Variants in OR1S2 observed in about 807,000 individuals in gnomAD.
OR1S2 encodes the protein olfactory receptor 1S2.
Under a neutral mutation model 1.7 loss-of-function variants are expected in OR1S2, and 1 was observed. The observed-to-expected ratio is 0.59, with a 90% CI of 0.21 to 2.81. OR1S2 has a LOEUF of 2.81. Ranked by LOEUF, OR1S2 falls within the 30% of genes most tolerant of loss-of-function variation. The pLI is 0.22. For synonymous variants in OR1S2, 157 were observed against 145.3 expected (o/e 1.08, Z -0.58); for missense variants, 391 against 371.6 (o/e 1.05, Z -0.43).
At chr11:58,203,936 A>C in exon 1 of OR1S2, 1 of 1,614,140 alleles carries the variant, frequency 6.2e-7, no homozygotes, top group Non-Finnish European at 8.5e-7. Context: ...AGGAAATATC[A>C]GCAAAGGATA....
At chr11:58,204,041 C>T in exon 1 of OR1S2, 1 of 1,613,960 alleles carries the variant, frequency 6.2e-7, no homozygotes, top group African/African-American at 1.3e-5. Flanking sequence ...TGACCACATA[C>T]ATACTCAGGA....
exon 1 of OR1S2, chr11:58,203,943 G>A: frequency 1.2e-6 from 2 of 1,614,110 alleles, no homozygotes; most frequent in East Asian, 4.5e-5. Context: ...ATCAGCAAAG[G>A]ATAGGTAGGC....
chr11:58,203,619 G>C lies in OR1S2; in HGVS notation c.524C>G (p.Pro175Arg), dbSNP rs774357546. 6 of 1,614,190 alleles carry C rather than the reference G, an allele frequency of 3.7e-6. No individual in the cohort carries two copies. In the South Asian group the frequency reaches 6.6e-5, roughly 18 times the overall value. ...AGGGGCCAAGTCACAGAAGAAGTGT[G>C]GGAGAGTGTTGTGGTCACAGAAGAG... Residue 175 changes from proline (P) to arginine (R), a missense_variant, in exon 1 of 1, where the codon CCA becomes CGA. By Grantham distance (103) the Pro-to-Arg change is moderately radical. Coordinates refer to ENST00000641683, the Ensembl canonical transcript of OR1S2.
At chr11:58,203,455 A>G in exon 1 of OR1S2, 3 of 1,614,038 alleles carry the variant, frequency 1.9e-6, no homozygotes, top group Non-Finnish European at 2.5e-6. Flanking sequence ...CCCTGTGTGG[A>G]TGATACTCCC....
exon 1 of OR1S2, chr11:58,204,037 C>T (rs769413284): frequency 2.5e-6 from 4 of 1,613,534 alleles, no homozygotes. Flanking sequence ...ACAGTGACCA[C>T]ATACATACTC....
chr11:58,204,085 G>A lies in OR1S2; in HGVS notation c.58C>T (p.Gln20Ter), dbSNP rs1854883324. ...AAGAGGAGGTTTTGATGTTCAGCCT[G>A]GTTGGAGAGTCCCAGGAGAATGAAT... The change falls in exon 1 of 1, where the codon CAG becomes TAG. Residue 20 changes from glutamine to a stop codon, truncating the protein, a stop_gained. Coordinates refer to ENST00000641683, the Ensembl canonical transcript of OR1S2. LOFTEE classifies it low-confidence loss of function (END_TRUNC). The A allele has an allele frequency of 6.2e-7, 1 of 1,613,990 alleles. No individual in the cohort carries two copies. Among genetic ancestry groups the A allele is most frequent in the Non-Finnish European group, 8.5e-7 (1 of 1,179,920 alleles).
At chr11:58,203,572 C>G (rs137899966) in exon 1 of OR1S2, 8 of 1,614,084 alleles carry the variant, frequency 5.0e-6, no homozygotes, top group Non-Finnish European at 6.8e-6. Context: ...ATCATTGTAT[C>G]TGAACAGGAC....
chr11:58,203,283 G>A (rs953360154), exon 1 of OR1S2: 2 of 1,614,008 alleles, frequency 1.2e-6, no homozygotes, highest in Admixed American at 3.3e-5. Flanking sequence ...GTAGATGAAG[G>A]GGTTCATCAT....
chr11:58,203,583 A>G, exon 1 of OR1S2: 1 of 1,614,188 alleles, frequency 6.2e-7, no homozygotes. Context: ...TGAACAGGAC[A>G]GTTTGAGCAG....
chr11:58,203,637 C>T, exon 1 of OR1S2: 1 of 1,614,112 alleles, frequency 6.2e-7, no homozygotes, highest in South Asian at 1.1e-5. Context: ...GTTGTGGTCA[C>T]AGAAGAGCAA....
exon 1 of OR1S2, chr11:58,203,363 A>C: frequency 2.5e-6 from 4 of 1,614,036 alleles, no homozygotes; most frequent in Non-Finnish European, 3.4e-6. Flanking sequence ...AGGAGGGGAA[A>C]AAGTACACGC....
At chr11:58,203,939 A>C in exon 1 of OR1S2, 1 of 1,614,150 alleles carries the variant, frequency 6.2e-7, no homozygotes, top group Non-Finnish European at 8.5e-7. Flanking sequence ...AAATATCAGC[A>C]AAGGATAGGT....
exon 1 of OR1S2, chr11:58,203,776 A>G (rs765550941): frequency 6.2e-7 from 1 of 1,614,140 alleles, no homozygotes; most frequent in Non-Finnish European, 8.5e-7. Context: ...ATCGCCACAA[A>G]GTGGTCGAAG....
exon 1 of OR1S2, chr11:58,203,637 C>G (rs775280505): frequency 5.2e-5 from 84 of 1,613,992 alleles, no homozygotes; most frequent in Non-Finnish European, 6.9e-5. Flanking sequence ...GTTGTGGTCA[C>G]AGAAGAGCAA....
rs141949342 is a variant in OR1S2 at position 58,203,700 on chromosome 11, G to A, written c.443C>T (p.Ser148Leu). ...AGCAATAATATTACTGAGGAACCACGAGATGACTGTGAGCAAAGTGCCGAA... is the reference window on the plus strand; with the variant it reads ...AGCAATAATATTACTGAGGAACCACAAGATGACTGTGAGCAAAGTGCCGAA... The change falls in exon 1 of 1, where the codon TCG (serine) becomes TTG (leucine). Residue 148 changes from serine to leucine, a missense_variant. Coordinates refer to ENST00000641683, the Ensembl canonical transcript of OR1S2. 120 of 1,613,980 alleles carry A rather than the reference G, an allele frequency of 7.4e-5. 1 individual carries two copies. The African/African-American group carries it at 1.3e-3, about 18-fold the overall frequency.
chr11:58,203,961 A>G (rs778725090), exon 1 of OR1S2: 6 of 1,614,122 alleles, frequency 3.7e-6, no homozygotes, highest in Admixed American at 1.7e-5. Flanking sequence ...GGCAAGGAAG[A>G]GATACATGGG....
chr11:58,203,784 A>G (rs755071808), exon 1 of OR1S2: 1 of 1,613,586 alleles, frequency 6.2e-7, no homozygotes, highest in Non-Finnish European at 8.5e-7. Context: ...AAAGTGGTCG[A>G]AGGCCATGGT....
exon 1 of OR1S2, chr11:58,203,635 C>T (rs772263847): frequency 3.9e-5 from 63 of 1,613,848 alleles, no homozygotes; most frequent in East Asian, 1.6e-4. Context: ...GTGTTGTGGT[C>T]ACAGAAGAGC....
In OR1S2 at chr11:58,203,725, A is replaced by T. The variant is rs1854876178; in HGVS notation, c.418T>A (p.Phe140Ile). The change falls in exon 1 of 1, where the codon TTC (phenylalanine) becomes ATC (isoleucine). Residue 140 changes from phenylalanine to isoleucine, a missense_variant. Transcript: ENST00000641683. ...GAGATGACTGTGAGCAAAGTGCCGA[A>T]CCTGGCCCGCATGAAAGTTGTATAG... The T allele has an allele frequency of 1.9e-6, 3 of 1,613,960 alleles. No homozygotes were observed. The South Asian group carries it at 3.3e-5, about 18-fold the overall frequency.
Sources: allele counts gnomAD v4.1 joint callset, GRCh38; gene constraint gnomAD v4.1.1; transcripts MANE v1.5; gene names NCBI Gene and HGNC (gene_info 2026-07-23, HGNC 2026-07-21).